Variants in PAQR5 observed in about 807,000 individuals in gnomAD.
The protein encoded by PAQR5 is progestin and adipoQ receptor family member 5.
In PAQR5, 20 loss-of-function variants were observed where a neutral mutation model predicts 34.5. The ratio of observed to expected loss-of-function variants is 0.58; its 90% CI spans 0.41 to 0.84. PAQR5 has a LOEUF of 0.84. Among genes scored for constraint, PAQR5 ranks in the 40% least tolerant of loss-of-function variants. PAQR5 has a pLI of 0.00. For missense variants in PAQR5, 378 were observed against 412.7 expected (o/e 0.92, Z 0.73); for synonymous variants, 131 against 155.6 (o/e 0.84, Z 1.18).
chr15:69,315,192 C>A (rs2053918754), intron 1 of PAQR5, among the ~76,000 whole-genome samples: 1 of 152,102 alleles, frequency 6.6e-6, no homozygotes, highest in Non-Finnish European at 1.5e-5. Flanking sequence ...TTATGGTGGG[C>A]CTTCACACGA....
intron 1 of PAQR5, among the ~76,000 whole-genome samples, chr15:69,321,140 CAT>C (rs1463970433): frequency 1.3e-5 from 2 of 152,218 alleles, no homozygotes; most frequent in African/African-American, 4.8e-5. Flanking sequence ...TGATATCCCA[CAT>C]GTTAGGAAAG....
At chr15:69,397,676 G>A (rs532722698) in intron 7 of PAQR5, 112 bp downstream of exon 7, 13 of 772,354 alleles carry the variant, frequency 1.7e-5, no homozygotes, top group East Asian at 1.5e-4. Context: ...GAACAAAACA[G>A]GAGTCGAGAC....
At chr15:69,388,833 A>G (rs2056180606) in intron 5 of PAQR5, among the ~76,000 whole-genome samples, 1 of 152,236 alleles carries the variant, frequency 6.6e-6, no homozygotes, top group Non-Finnish European at 1.5e-5. Flanking sequence ...TTGGAATGAC[A>G]GGTGACCTAG....
intron 1 of PAQR5, among the ~76,000 whole-genome samples, chr15:69,300,937 C>CTTTCCTTCTTTCTTTCTTTCTT (rs56151928): frequency 4.2e-3 from 22 of 5,180 alleles, no homozygotes; most frequent in East Asian, 7.2e-3. Context: ...CTCTCTCTCT[C>CTTTCCTTCTTTCTTTCTTTCTT]TCTTTCTTTC....
Position 69,403,913 on chromosome 15 carries a change from C to A in PAQR5, c.*91C>A. 7.8e-7 allele frequency: 1 copy of A among 1,290,242 alleles called. No individual in the cohort carries two copies. The highest frequency in any genetic ancestry group is 1.1e-6 in the Non-Finnish European group (1 of 934,078). 79.9% of individuals were successfully genotyped at this position (1,290,242 alleles called of 1,614,324 possible). A position where few individuals can be genotyped will look rare whatever the true frequency, so the allele number is the denominator to read the frequency against. On this transcript the variant is annotated 3_prime_UTR_variant, in exon 9 of 9. Transcript: ENST00000395407. The stretch of plus-strand genomic sequence containing the variant: ...CGGAGGTGGTTACAGCTTATCATGG[C>A]CTAAAATATTCATAATGGTTGGTGT...
At chr15:69,322,811 G>GGGAGAAGAAGAAGAAGAT (rs2054155390) in intron 1 of PAQR5, among the ~76,000 whole-genome samples, 1 of 25,334 alleles carries the variant, frequency 3.9e-5, no homozygotes, top group Non-Finnish European at 1.0e-4. Context: ...AAGAGGAAGA[G>GGGAGAAGAAGAAGAAGAT]GAAGAAGAAG....
chr15:69,388,943 C>G (rs1446505699), intron 5 of PAQR5, among the ~76,000 whole-genome samples: 1 of 152,230 alleles, frequency 6.6e-6, no homozygotes, highest in African/African-American at 2.4e-5. Flanking sequence ...CACCTGGCCC[C>G]TTTGAAAAGG....
At chr15:69,325,224 T>G (rs1395447958) in intron 1 of PAQR5, among the ~76,000 whole-genome samples, 4 of 152,096 alleles carry the variant, frequency 2.6e-5, no homozygotes, top group Non-Finnish European at 5.9e-5. Context: ...TCAAGAAGTC[T>G]CCCCTGACTC....
In PAQR5 at chr15:69,363,993, C is replaced by T. The variant is rs537901687; in HGVS notation, c.51+3862C>T. ...TGGTCTACACAGAGAGGAAAAGCAA[C>T]GCCGTTTCCAGACTTGCACTGCAGC... On this transcript the variant is annotated intron_variant, in intron 3 of 8. Transcript: ENST00000395407. Among the ~76,000 whole-genome samples, 84 of 152,246 alleles carry T rather than the reference C, an allele frequency of 5.5e-4. 1 individual carries two copies. Among genetic ancestry groups the T allele is most frequent in the African/African-American group, 1.9e-3 (79 of 41,538 alleles).
At chr15:69,341,136 T>C (rs1265754407) in intron 2 of PAQR5, among the ~76,000 whole-genome samples, 4 of 152,092 alleles carry the variant, frequency 2.6e-5, no homozygotes, top group African/African-American at 4.8e-5. Flanking sequence ...TCTTCCCAAA[T>C]AGAAACTACG....
chr15:69,318,864 C>T (rs978560468), intron 1 of PAQR5, among the ~76,000 whole-genome samples: 34 of 151,912 alleles, frequency 2.2e-4, no homozygotes, highest in African/African-American at 8.0e-4. Flanking sequence ...GGTGCAGTGG[C>T]TCACGCCTGT....
rs962709940 is a variant in PAQR5, at chr15:69,335,240, T to C, written c.-276-2101T>C. 2.4e-4 allele frequency among the ~76,000 whole-genome samples: 29 copies of C among 123,278 alleles called. 1 individual carries two copies. Among genetic ancestry groups the C allele is most frequent in the Admixed American group, 4.2e-4 (4 of 9,420 alleles). 80.9% of individuals were successfully genotyped at this position (123,278 alleles called of 152,430 possible). ...CAAAAAAAAAAAGATTTAAAAGAAATTTTAGCTTTTTTTTTTTTTTTTGAA... is the reference window on the plus strand; with the variant it reads ...CAAAAAAAAAAAGATTTAAAAGAAACTTTAGCTTTTTTTTTTTTTTTTGAA... On this transcript the variant is annotated intron_variant, in intron 1 of 8. Coordinates refer to ENST00000395407, the MANE Select transcript of PAQR5 (RefSeq NM_017705.4).
chr15:69,356,899 C>G (rs186245080), intron 2 of PAQR5, among the ~76,000 whole-genome samples: 1 of 152,270 alleles, frequency 6.6e-6, no homozygotes, highest in African/African-American at 2.4e-5. Flanking sequence ...CTGCGCAAGT[C>G]TCATGTTGAA....
rs114737330 is a variant in PAQR5 at position 69,323,441 on chromosome 15, C to A, written c.-276-13900C>A. Among the ~76,000 whole-genome samples the A allele has an allele frequency of 6.2e-3, 943 of 152,286 alleles. 17 individuals carry two copies. Among genetic ancestry groups the A allele is most frequent in the African/African-American group, 0.022 (898 of 41,564 alleles). On this transcript the variant is annotated intron_variant, in intron 1 of 8. Coordinates refer to ENST00000395407, the MANE Select transcript of PAQR5 (RefSeq NM_017705.4). ...AGGCTTTAGGACTTGGTCCCCAGCTCCCCTGAACGGCCAGTGGTGCTCCTG... is the reference window on the plus strand; with the variant it reads ...AGGCTTTAGGACTTGGTCCCCAGCTACCCTGAACGGCCAGTGGTGCTCCTG...
chr15:69,395,928 G>A (rs2056415747), intron 6 of PAQR5, among the ~76,000 whole-genome samples: 1 of 152,024 alleles, frequency 6.6e-6, no homozygotes, highest in East Asian at 1.9e-4. Flanking sequence ...GGAGGCTGTG[G>A]GGCTTCTCCG....
intron 2 of PAQR5, among the ~76,000 whole-genome samples, chr15:69,340,211 G>A (rs893661678): frequency 6.6e-6 from 1 of 151,932 alleles, no homozygotes. Flanking sequence ...ATGGCTTTTA[G>A]TAAGCAATAC....
At chr15:69,399,115 C>T (rs545313775) in intron 7 of PAQR5, among the ~76,000 whole-genome samples, 1 of 152,182 alleles carries the variant, frequency 6.6e-6, no homozygotes, top group Admixed American at 6.5e-5. Flanking sequence ...AGCTCTGAAA[C>T]AGTATAGTGG....
At chr15:69,380,860 G>A (rs1411800100) in intron 4 of PAQR5, among the ~76,000 whole-genome samples, 3 of 152,194 alleles carry the variant, frequency 2.0e-5, no homozygotes, top group Admixed American at 6.5e-5. Context: ...GGCACAGGCT[G>A]GTCACTGGAC....
At chr15:69,316,913 G>A (rs907512314) in intron 1 of PAQR5, among the ~76,000 whole-genome samples, 1 of 152,172 alleles carries the variant, frequency 6.6e-6, no homozygotes, top group Admixed American at 6.5e-5. Flanking sequence ...CCTGCCTCCT[G>A]GGTTTAAGCA....
Sources: allele counts gnomAD v4.1 joint callset (sites outside exome capture counted in the v4.1 genomes callset), GRCh38; gene constraint gnomAD v4.1.1; transcripts MANE v1.5; gene names NCBI Gene and HGNC (gene_info 2026-07-23, HGNC 2026-07-21).